The following KIRREL3 variants were observed in gnomAD, a reference collection of about 807,000 sequenced individuals.
The protein encoded by KIRREL3 is kirre like nephrin family adhesion molecule 3, also known as kin of IRRE-like protein 3.
Under a neutral mutation model 89.7 loss-of-function variants are expected in KIRREL3, and 36 were observed. The ratio of observed to expected loss-of-function variants is 0.40; its 90% CI spans 0.31 to 0.53. The LOEUF is 0.53. Ranked by LOEUF, KIRREL3 falls within the 20% of genes least tolerant of loss-of-function variation. The pLI, the probability that KIRREL3 is intolerant of heterozygous loss-of-function variation, is 0.49. For missense variants in KIRREL3, 864 were observed against 1,056.6 expected (o/e 0.82, Z 2.53); for synonymous variants, 445 against 441.4 (o/e 1.01, Z -0.10).
Position 126,605,128 on chromosome 11 carries a change from G to A in KIRREL3, c.56-42216C>T, listed in dbSNP as rs991621129. Among the ~76,000 whole-genome samples the A allele has an allele frequency of 5.9e-5, 9 of 152,194 alleles. No individual in the cohort carries two copies. The highest frequency in any genetic ancestry group is 1.9e-4 in the East Asian group (1 of 5,158). On this transcript the variant is annotated intron_variant, in intron 1 of 16. Coordinates refer to ENST00000525144, the MANE Select transcript of KIRREL3 (RefSeq NM_032531.4). The surrounding 1 kb of genome is among the most constrained non-coding windows in gnomAD (Gnocchi z 5.7). ...GCCCTTTCTCCTTGGCTCCTCCCAC[G>A]CTCTTGGCTTTTCTCCTGGATTCCC...
In KIRREL3 at chr11:126,490,200, TTGTGTGTGTGTGTGTG is replaced by T. The variant is rs10609593; in HGVS notation, c.434-16750_434-16735del. Among the ~76,000 whole-genome samples, 1 of 141,040 alleles carries T rather than the reference TTGTGTGTGTGTGTGTG, an allele frequency of 7.1e-6. No homozygotes were observed. The highest frequency in any genetic ancestry group is 2.7e-5 in the African/African-American group (1 of 36,830). The allele number at this position is 141,040 out of a possible 152,430, so 92.5% of individuals were successfully genotyped here. A position where few individuals can be genotyped will look rare whatever the true frequency, so the allele number is the denominator to read the frequency against. On this transcript the variant is annotated intron_variant, in intron 4 of 16. Transcript: ENST00000525144. This position sits in a 1 kb window ranked among gnomAD's most constrained non-coding sequence, Gnocchi z 4.2. ...TATTTGCATTTGGCTTTGGAATGCA[TTGTGTGTGTGTGTGTG>T]TGTGTGTGTGTGTGGCGGGGGCGGG... is the stretch of plus-strand genomic sequence containing the variant.
intron 4 of KIRREL3, among the ~76,000 whole-genome samples, chr11:126,480,874 G>A (rs1240816578): frequency 6.6e-6 from 1 of 152,192 alleles, no homozygotes; most frequent in Non-Finnish European, 1.5e-5. Context: ...GTTCTGGGCC[G>A]CGTGTAATCC....
intron 1 of KIRREL3, among the ~76,000 whole-genome samples, chr11:126,848,005 C>T (rs1944206258): frequency 6.6e-6 from 1 of 152,080 alleles, no homozygotes; most frequent in East Asian, 1.9e-4. Context: ...CAATAAAAGC[C>T]CCTTGGGAAA....
At chr11:126,434,367 C>T (rs35879271) in intron 13 of KIRREL3, among the ~76,000 whole-genome samples, 19,454 of 152,262 alleles carry the variant, frequency 0.13, 1,370 homozygotes, top group Non-Finnish European at 0.16. Flanking sequence ...AGCATGGACC[C>T]GGGGAGAAGG....
intron 1 of KIRREL3, among the ~76,000 whole-genome samples, chr11:126,767,878 A>G (rs1949879155): frequency 1.3e-5 from 2 of 152,228 alleles, no homozygotes; most frequent in South Asian, 2.1e-4. Flanking sequence ...GTTCAGGCAT[A>G]AGAAATTGTC....
Position 126,424,698 on chromosome 11 carries a change from T to G in KIRREL3, c.2219A>C (p.Tyr740Ser). The G allele has an allele frequency of 6.2e-7, 1 of 1,613,978 alleles. No individual in the cohort carries two copies. The highest frequency in any genetic ancestry group is 8.5e-7 in the Non-Finnish European group (1 of 1,179,876). ...CTTGCTGGCCTTGTCGAACTGCACATAGCCATCCTGCTTGCCGCTGCTGCT... is the reference window on the plus strand; with the variant it reads ...CTTGCTGGCCTTGTCGAACTGCACAGAGCCATCCTGCTTGCCGCTGCTGCT... ...SVSSSGKQDG[Y>S]VQFDKASKAS... Residue 740 changes from tyrosine (Y) to serine (S), a missense_variant, in exon 17 of 17, where the codon TAT (tyrosine) becomes TCT (serine). Coordinates refer to ENST00000525144, the MANE Select transcript of KIRREL3 (RefSeq NM_032531.4).
rs1259102294 is a variant in KIRREL3 at position 126,976,213 on chromosome 11, C to A, written c.55+24242G>T. On this transcript the variant is annotated intron_variant, in intron 1 of 16. Coordinates refer to ENST00000525144, the MANE Select transcript of KIRREL3 (RefSeq NM_032531.4). This position sits in a 1 kb window ranked among gnomAD's most constrained non-coding sequence, Gnocchi z 4.2. ...CCTCCAATTAAGACCCTGCAATATACCTGACAGAGGAAAATTTGTTTATCA... is the reference window on the plus strand; with the variant it reads ...CCTCCAATTAAGACCCTGCAATATAACTGACAGAGGAAAATTTGTTTATCA... Among the ~76,000 whole-genome samples, 1 of 152,044 alleles carries A rather than the reference C, an allele frequency of 6.6e-6. No homozygotes were observed. The highest frequency in any genetic ancestry group is 6.6e-5 in the Admixed American group (1 of 15,266).
At chr11:126,963,655 C>A (rs904637580) in intron 1 of KIRREL3, among the ~76,000 whole-genome samples, 5 of 152,172 alleles carry the variant, frequency 3.3e-5, no homozygotes, top group Non-Finnish European at 7.4e-5. Context: ...TTCACAACTG[C>A]CCTTCTTCCT....
In KIRREL3 at chr11:126,568,217, G is replaced by A. The variant is rs79816342; in HGVS notation, c.56-5305C>T. ...CTCTCTTAAAGGAGGTGGGAGCCACGCAGAATGCTAGGCAGGGGAAAGACA... is the reference window on the plus strand; with the variant it reads ...CTCTCTTAAAGGAGGTGGGAGCCACACAGAATGCTAGGCAGGGGAAAGACA... On this transcript the variant is annotated intron_variant, in intron 1 of 16. Coordinates refer to ENST00000525144, the MANE Select transcript of KIRREL3 (RefSeq NM_032531.4). The surrounding 1 kb of genome is among the most constrained non-coding windows in gnomAD (Gnocchi z 4.6). Among the ~76,000 whole-genome samples the A allele has an allele frequency of 1.0e-3, 158 of 152,184 alleles. 1 individual carries two copies. In the East Asian group the frequency reaches 0.028, roughly 27 times the overall value.
intron 1 of KIRREL3, among the ~76,000 whole-genome samples, chr11:126,841,348 T>G (rs1000886194): frequency 2.6e-5 from 4 of 152,170 alleles, no homozygotes; most frequent in African/African-American, 7.2e-5. Context: ...CGTGTTAACC[T>G]AGTTGGAAGC....
At position 126,471,407 on chromosome 11, in the gene KIRREL3, TAAAAA is replaced by T. The variant is rs1443890955; in HGVS notation, c.591+1897_591+1901del. Among the ~76,000 whole-genome samples, 1 of 149,188 alleles carries T rather than the reference TAAAAA, an allele frequency of 6.7e-6. No homozygotes were observed. Among genetic ancestry groups the T allele is most frequent in the African/African-American group, 2.5e-5 (1 of 40,494 alleles). On this transcript the variant is annotated intron_variant, in intron 5 of 16. Transcript: ENST00000525144. This position sits in a 1 kb window ranked among gnomAD's most constrained non-coding sequence, Gnocchi z 5.4. ...ATAAATAAATAAAATAAATAAAAAA[TAAAAA>T]AAGAAAGAAAAAAAGAAAAGACAGT...
intron 1 of KIRREL3, among the ~76,000 whole-genome samples, chr11:126,853,053 C>T (rs147573620): frequency 7.6e-4 from 116 of 152,136 alleles, no homozygotes; most frequent in Admixed American, 2.2e-3. Flanking sequence ...TTTTTTGTGT[C>T]GTGCAAGTTT....
intron 1 of KIRREL3, among the ~76,000 whole-genome samples, chr11:126,851,362 A>C (rs1944332692): frequency 6.6e-6 from 1 of 152,204 alleles, no homozygotes; most frequent in African/African-American, 2.4e-5. Flanking sequence ...TTTGGGGTGC[A>C]TATGTGACTG....
intron 2 of KIRREL3, among the ~76,000 whole-genome samples, chr11:126,533,706 T>C (rs1959009601): frequency 6.6e-6 from 1 of 152,212 alleles, no homozygotes; most frequent in Admixed American, 6.5e-5. Flanking sequence ...TGGTAATGAA[T>C]GGGGCTCAGG....
rs549411645 is a variant in KIRREL3 at position 126,526,239 on chromosome 11, A to C, written c.283+299T>G. On this transcript the variant is annotated intron_variant, in intron 3 of 16. Transcript: ENST00000525144. The surrounding 1 kb of genome is among the most constrained non-coding windows in gnomAD (Gnocchi z 5.7). Reference sequence around the variant, plus strand: ...GGAACACTTGATTTCTGGAAACTGGAATTTACATGAATCATGTTTGACTTT... The same window carrying C: ...GGAACACTTGATTTCTGGAAACTGGCATTTACATGAATCATGTTTGACTTT... Among the ~76,000 whole-genome samples the C allele has an allele frequency of 2.0e-5, 3 of 152,264 alleles. No homozygotes were observed. The highest frequency in any genetic ancestry group is 4.4e-5 in the Non-Finnish European group (3 of 68,014).
At position 126,891,065 on chromosome 11, in the gene KIRREL3, C is replaced by T. The variant is rs1945899926; in HGVS notation, c.55+109390G>A. 6.6e-6 allele frequency among the ~76,000 whole-genome samples: 1 copy of T among 152,202 alleles called. No individual in the cohort carries two copies. The highest frequency in any genetic ancestry group is 2.1e-4 in the South Asian group (1 of 4,824). On this transcript the variant is annotated intron_variant, in intron 1 of 16. Coordinates refer to ENST00000525144, the MANE Select transcript of KIRREL3 (RefSeq NM_032531.4). The surrounding 1 kb of genome is among the most constrained non-coding windows in gnomAD (Gnocchi z 5.1). ...ACCCTCTTTGAGTTTGCCCTTAGAT[C>T]TTCAGCCTGCCAAAGAGGTGGGCTT... is the stretch of plus-strand genomic sequence containing the variant.
chr11:126,898,808 A>C lies in KIRREL3; in HGVS notation c.55+101647T>G, dbSNP rs1183545842. 6.6e-6 allele frequency among the ~76,000 whole-genome samples: 1 copy of C among 152,184 alleles called. No individual in the cohort carries two copies. Among genetic ancestry groups the C allele is most frequent in the African/African-American group, 2.4e-5 (1 of 41,442 alleles). The stretch of plus-strand genomic sequence containing the variant: ...GATGTGTCATAAGCTGAGAAATATG[A>C]CTAACTCAAGTCTTTGCAGCTTATA... On this transcript the variant is annotated intron_variant, in intron 1 of 16. Coordinates refer to ENST00000525144, the MANE Select transcript of KIRREL3 (RefSeq NM_032531.4). This position sits in a 1 kb window ranked among gnomAD's most constrained non-coding sequence, Gnocchi z 4.9.
In KIRREL3 at chr11:126,653,880, G is replaced by T. The variant is rs1050904472; in HGVS notation, c.56-90968C>A. Among the ~76,000 whole-genome samples, 4 of 152,160 alleles carry T rather than the reference G, an allele frequency of 2.6e-5. No individual in the cohort carries two copies. Among genetic ancestry groups the T allele is most frequent in the Non-Finnish European group, 5.9e-5 (4 of 68,018 alleles). ...TGTTCCTCTATAGCCATTTTTAGTT[G>T]CACCAAAGGGGGGAGTTGAAAAATA... is the stretch of plus-strand genomic sequence containing the variant. On this transcript the variant is annotated intron_variant, in intron 1 of 16. Transcript: ENST00000525144. The surrounding 1 kb of genome is among the most constrained non-coding windows in gnomAD (Gnocchi z 5.4).
rs1226331727 is a variant in KIRREL3, at chr11:126,763,650, A to G, written c.56-200738T>C. Among the ~76,000 whole-genome samples the G allele has an allele frequency of 6.6e-6, 1 of 152,144 alleles. No homozygotes were observed. The highest frequency in any genetic ancestry group is 2.4e-5 in the African/African-American group (1 of 41,420). On this transcript the variant is annotated intron_variant, in intron 1 of 16. Transcript: ENST00000525144. The surrounding 1 kb of genome is among the most constrained non-coding windows in gnomAD (Gnocchi z 4.7). ...CCAGTGGGGCCAGCGCGGGTTTGAA[A>G]TCTATCTTCCCCATACTTGCTGCAT... is the stretch of plus-strand genomic sequence containing the variant.
Sources: gnomAD v4.1 joint callset for allele counts (sites outside exome capture counted in the v4.1 genomes callset) on GRCh38, gnomAD v4.1.1 for gene constraint, Gnocchi (gnomAD v3.1) non-coding constraint, MANE v1.5 for transcripts, NCBI Gene and HGNC (gene_info 2026-07-23, HGNC 2026-07-21) for gene names.